The following NYAP2 variants were observed in gnomAD, a reference collection of about 807,000 sequenced individuals.
NYAP2 encodes neuronal tyrosine-phosphorylated phosphoinositide-3-kinase adaptor 2, also known as neuronal tyrosine-phosphorylated phosphoinositide-3-kinase adapter 2.
NYAP2 carries 23 observed loss-of-function variants against 50.4 expected under a neutral mutation model. That is an observed-to-expected ratio of 0.46 (90% CI 0.33 to 0.65). NYAP2 has a LOEUF of 0.65. Among genes scored for constraint, NYAP2 ranks in the 30% least tolerant of loss-of-function variants. The pLI, the probability that NYAP2 is intolerant of heterozygous loss-of-function variation, is 0.02. For synonymous variants in NYAP2, 394 were observed against 365.2 expected (o/e 1.08, Z -0.90); for missense variants, 885 against 861.0 (o/e 1.03, Z -0.35).
chr2:225,454,167 A>C (rs1689699286), intron 3 of NYAP2, among the ~76,000 whole-genome samples: 1 of 152,030 alleles, frequency 6.6e-6, no homozygotes, highest in South Asian at 2.1e-4. Flanking sequence ...GCACACAAAA[A>C]ATTAAAATAT....
chr2:225,554,387 C>A (rs1379886862), intron 4 of NYAP2, among the ~76,000 whole-genome samples: 1 of 150,032 alleles, frequency 6.7e-6, no homozygotes, highest in Non-Finnish European at 1.5e-5. Flanking sequence ...ATGGCACAAT[C>A]TCAGCCCACT....
At chr2:225,421,928 A>G (rs1695222162) in intron 3 of NYAP2, among the ~76,000 whole-genome samples, 1 of 152,192 alleles carries the variant, frequency 6.6e-6, no homozygotes, top group African/African-American at 2.4e-5. Flanking sequence ...AATTATTTCA[A>G]ATATCTAATG....
intron 6 of NYAP2, among the ~76,000 whole-genome samples, chr2:225,627,838 C>A (rs981111037): frequency 1.3e-5 from 2 of 152,164 alleles, no homozygotes; most frequent in Admixed American, 1.3e-4. Flanking sequence ...TCACAGAGAG[C>A]TGTCAATTGA....
At chr2:225,694,339 TAAAAG>T in the NYAP2 span, among the ~76,000 whole-genome samples, 4 of 151,662 alleles carry the variant, frequency 2.6e-5, no homozygotes, top group Non-Finnish European at 5.9e-5. Context: ...AATTTTGTGA[TAAAAG>T]AAAAGAAAAT....
the NYAP2 span, among the ~76,000 whole-genome samples, chr2:225,674,565 A>C: frequency 1.3e-5 from 2 of 152,074 alleles, no homozygotes; most frequent in Admixed American, 6.6e-5. Context: ...ATGCAAAGTG[A>C]ATCAGCAGAG....
intron 4 of NYAP2, among the ~76,000 whole-genome samples, chr2:225,575,474 A>G (rs1005745949): frequency 2.0e-5 from 3 of 152,196 alleles, no homozygotes; most frequent in African/African-American, 7.2e-5. Context: ...CTGAGCCAAA[A>G]TGTCTGCTAT....
intron 5 of NYAP2, among the ~76,000 whole-genome samples, chr2:225,625,899 G>A (rs1415295333): frequency 2.0e-5 from 3 of 152,144 alleles, no homozygotes; most frequent in African/African-American, 4.8e-5. Context: ...AGTCAGAGAC[G>A]GGTTGCAGTA....
chr2:225,682,143 C>T, the NYAP2 span, among the ~76,000 whole-genome samples: 67 of 152,086 alleles, frequency 4.4e-4, no homozygotes, highest in Admixed American at 6.6e-4. Flanking sequence ...AAAGCATTTA[C>T]ATTGGTATCA....
chr2:225,480,707 C>G (rs1479828934), intron 3 of NYAP2, among the ~76,000 whole-genome samples: 1 of 152,028 alleles, frequency 6.6e-6, no homozygotes, highest in Non-Finnish European at 1.5e-5. Context: ...GATATTTAAG[C>G]AGGAGAATTA....
intron 3 of NYAP2, among the ~76,000 whole-genome samples, chr2:225,452,384 CT>C (rs1299046493): frequency 6.6e-6 from 1 of 152,148 alleles, no homozygotes; most frequent in Non-Finnish European, 1.5e-5. Flanking sequence ...ATTTGAATCC[CT>C]TCTGCCAGCA....
intron 5 of NYAP2, among the ~76,000 whole-genome samples, chr2:225,624,366 G>A (rs1416287678): frequency 6.6e-6 from 1 of 152,234 alleles, no homozygotes; most frequent in East Asian, 1.9e-4. Context: ...GGCATTCTAT[G>A]TGATTGGTTA....
rs968275148 is a variant in NYAP2 at position 225,550,851 on chromosome 2, C to T, written c.524-31090C>T. ...AACCAAAGAAGGGAAAATGAAGAAC[C>T]GGCTGTAAATTTTGGTTTGAGTTTT... On this transcript the variant is annotated intron_variant, in intron 4 of 6. Coordinates refer to ENST00000636099, the Ensembl canonical transcript of NYAP2. Among the ~76,000 whole-genome samples the T allele has an allele frequency of 8.6e-5, 13 of 152,046 alleles. No homozygotes were observed. The South Asian group carries it at 1.5e-3, about 17-fold the overall frequency.
At chr2:225,446,609 C>T (rs1473630643) in intron 3 of NYAP2, among the ~76,000 whole-genome samples, 1 of 152,102 alleles carries the variant, frequency 6.6e-6, no homozygotes, top group Non-Finnish European at 1.5e-5. Flanking sequence ...AATTGCAAGA[C>T]CCCATACTGT....
intron 3 of NYAP2, among the ~76,000 whole-genome samples, chr2:225,470,312 T>C (rs1476968293): frequency 1.3e-5 from 2 of 152,176 alleles, no homozygotes; most frequent in Non-Finnish European, 2.9e-5. Flanking sequence ...TTCATTCTTT[T>C]ATTGTATGCA....
In NYAP2 at chr2:225,477,702, C is replaced by G. The variant is rs375660750; in HGVS notation, c.222-35669C>G. ...GTGTGTGTGCATGTTAGTTTAGATA[C>G]ATACACACATACATACACACATGTA... On this transcript the variant is annotated intron_variant, in intron 3 of 6. Coordinates refer to ENST00000636099, the Ensembl canonical transcript of NYAP2. Among the ~76,000 whole-genome samples, 4 of 152,232 alleles carry G rather than the reference C, an allele frequency of 2.6e-5. No homozygotes were observed. In the East Asian group the frequency reaches 7.7e-4, roughly 29 times the overall value.
intron 5 of NYAP2, among the ~76,000 whole-genome samples, chr2:225,597,673 C>T (rs540431099): frequency 6.6e-6 from 1 of 150,470 alleles, no homozygotes; most frequent in South Asian, 2.1e-4. Flanking sequence ...TGGGTAGGTA[C>T]CCAGTAGTGG....
At chr2:225,557,181 TA>T (rs1175896097) in intron 4 of NYAP2, among the ~76,000 whole-genome samples, 2 of 152,216 alleles carry the variant, frequency 1.3e-5, no homozygotes. Flanking sequence ...GTCTACTTAA[TA>T]GCCACCTATT....
At chr2:225,595,871 C>A (rs908600192) in intron 5 of NYAP2, among the ~76,000 whole-genome samples, 2 of 152,178 alleles carry the variant, frequency 1.3e-5, no homozygotes, top group East Asian at 3.8e-4. Context: ...TCATTCCAGC[C>A]TTAATTTCCC....
Position 225,449,601 on chromosome 2 carries a change from CTTTT to C in NYAP2, c.221+40522_221+40525del, listed in dbSNP as rs201552006. On this transcript the variant is annotated intron_variant, in intron 3 of 6. Coordinates refer to ENST00000636099, the Ensembl canonical transcript of NYAP2. ...ACCAGATCTCTCTCTCTCTCTTTCTCTTTTTTTTTTTTTTTTTTTTTTTTTGAGA... is the reference window on the plus strand; with the variant it reads ...ACCAGATCTCTCTCTCTCTCTTTCTCTTTTTTTTTTTTTTTTTTTTTGAGA... Among the ~76,000 whole-genome samples, 178 of 96,308 alleles carry C rather than the reference CTTTT, an allele frequency of 1.8e-3. 1 individual carries two copies. The highest frequency in any genetic ancestry group is 7.2e-3 in the African/African-American group (165 of 22,818). 63.2% of individuals were successfully genotyped at this position (96,308 alleles called of 152,430 possible).
Sources: allele counts gnomAD v4.1 joint callset (sites outside exome capture counted in the v4.1 genomes callset), GRCh38; gene constraint gnomAD v4.1.1; transcripts MANE v1.5; gene names NCBI Gene and HGNC (gene_info 2026-07-23, HGNC 2026-07-21).